The following CTR9 variants were observed in gnomAD, a reference collection of about 807,000 sequenced individuals.
CTR9 encodes the protein CTR9 component of Paf1/RNA polymerase II complex, also known as RNA polymerase-associated protein CTR9 homolog.
In CTR9, 41 loss-of-function variants were observed where a neutral mutation model predicts 152.1. That is an observed-to-expected ratio of 0.27 (90% CI 0.21 to 0.35). CTR9 has a LOEUF of 0.35. Ranked by LOEUF, CTR9 falls within the 10% of genes least tolerant of loss-of-function variation. The pLI is 1.00. For synonymous variants in CTR9, 476 were observed against 496.2 expected (o/e 0.96, Z 0.54); for missense variants, 917 against 1,424.4 (o/e 0.64, Z 5.73).
chr11:10,761,303 G>A lies in CTR9; in HGVS notation c.742-644G>A, dbSNP rs548676361. Among the ~76,000 whole-genome samples the A allele has an allele frequency of 1.9e-4, 29 of 152,254 alleles. No individual in the cohort carries two copies. The East Asian group carries it at 5.4e-3, about 28-fold the overall frequency. ...TTCATCCCCCGGGCCTGGGGAAGGGGGGAAGGGAACTTTCCTTCCTAAACT... is the reference window on the plus strand; with the variant it reads ...TTCATCCCCCGGGCCTGGGGAAGGGAGGAAGGGAACTTTCCTTCCTAAACT... On this transcript the variant is annotated intron_variant, in intron 6 of 24. Transcript: ENST00000361367.
At chr11:10,765,807 A>C (rs989907244) in intron 12 of CTR9, among the ~76,000 whole-genome samples, 1 of 152,218 alleles carries the variant, frequency 6.6e-6, no homozygotes, top group Non-Finnish European at 1.5e-5. Flanking sequence ...TTATGGATGC[A>C]AAAGTGATTT....
In CTR9 at chr11:10,764,637, T is replaced by C. The variant is rs1364791500; in HGVS notation, c.1503T>C (p.Tyr501=). ...ACGCCATTTCCGTTACCACGTCATA[T>C]AATCTCGCCAGGCTATATGAGGCGA... ...YYNAISVTTS[Y]NLARLYEAMC... Residue 501 remains tyrosine, a synonymous_variant, in exon 12 of 25, where the codon TAT becomes TAC. Transcript: ENST00000361367. The C allele has an allele frequency of 6.2e-7, 1 of 1,613,608 alleles. No individual in the cohort carries two copies. Among genetic ancestry groups the C allele is most frequent in the African/African-American group, 1.3e-5 (1 of 74,902 alleles).
At chr11:10,763,024 G>T (rs1863001317) in intron 7 of CTR9, among the ~76,000 whole-genome samples, 2 of 150,748 alleles carry the variant, frequency 1.3e-5, no homozygotes, top group African/African-American at 4.9e-5. Context: ...AAAAAAAAGT[G>T]CGCTTTATGT....
At position 10,771,688 on chromosome 11, in the gene CTR9, A is replaced by G. The variant is rs534759958; in HGVS notation, c.2444+72A>G. 7 of 1,062,170 alleles carry G rather than the reference A, an allele frequency of 6.6e-6. No homozygotes were observed. The East Asian group carries it at 1.7e-4, about 25-fold the overall frequency. 65.8% of individuals were successfully genotyped at this position (1,062,170 alleles called of 1,614,324 possible). ...TTTACATGGGCTGGGAAAGTGCCACAGTAGGGAACAGAGGTTCCTGACCTT... is the reference window on the plus strand; with the variant it reads ...TTTACATGGGCTGGGAAAGTGCCACGGTAGGGAACAGAGGTTCCTGACCTT... On this transcript the variant is annotated intron_variant, in intron 19 of 24. Transcript: ENST00000361367.
rs772656294 is a variant in CTR9, at chr11:10,763,691, G to A, written c.1006G>A (p.Ala336Thr). The A allele has an allele frequency of 1.2e-6, 2 of 1,613,874 alleles. No homozygotes were observed. The highest frequency in any genetic ancestry group is 8.5e-7 in the Non-Finnish European group (1 of 1,179,960). Reference sequence around the variant, plus strand: ...GTACTATTATCAAGCCACACAGTTTGCCTCATCCTCTTTTGTGCTCCCATT... The same window carrying A: ...GTACTATTATCAAGCCACACAGTTTACCTCATCCTCTTTTGTGCTCCCATT... The part of the protein sequence containing the change: ...FQYYYQATQF[A>T]SSSFVLPFFG... Residue 336 changes from alanine to threonine, a missense_variant, in exon 9 of 25, where the codon GCC becomes ACC. By Grantham distance (58) the Ala-to-Thr change is moderately conservative. Coordinates refer to ENST00000361367, the MANE Select transcript of CTR9 (RefSeq NM_014633.5).
chr11:10,767,720 CT>C lies in CTR9; in HGVS notation c.1687-84del. The C allele has an allele frequency of 3.4e-6, 4 of 1,169,974 alleles. No individual in the cohort carries two copies. In the South Asian group the frequency reaches 5.5e-5, roughly 16 times the overall value. The allele number at this position is 1,169,974 out of a possible 1,614,324, so 72.5% of individuals were successfully genotyped here. On this transcript the variant is annotated intron_variant, in intron 13 of 24. Coordinates refer to ENST00000361367, the MANE Select transcript of CTR9 (RefSeq NM_014633.5). The surrounding 1 kb of genome is among the most constrained non-coding windows in gnomAD (Gnocchi z 4.0). ...CTGTTGTAATATAGTTTGTAAACCT[CT>C]TCAGTAATCAGCTATTGTGGGAAGA...
chr11:10,773,833 C>T lies in CTR9; in HGVS notation c.2728-179C>T, dbSNP rs374993859. ...CCAAGAGGCAGAGGTTGCAGTGAGC[C>T]GAGATTGCCCCACTGCACTCTCGCC... On this transcript the variant is annotated intron_variant, in intron 21 of 24. Coordinates refer to ENST00000361367, the MANE Select transcript of CTR9 (RefSeq NM_014633.5). 7.5e-5 allele frequency among the ~76,000 whole-genome samples: 11 copies of T among 145,728 alleles called. 1 individual carries two copies. Among genetic ancestry groups the T allele is most frequent in the Middle Eastern group, 3.8e-3 (1 of 264 alleles).
At chr11:10,761,414 C>T (rs908947906) in intron 6 of CTR9, among the ~76,000 whole-genome samples, 11 of 151,788 alleles carry the variant, frequency 7.2e-5, no homozygotes, top group Admixed American at 1.3e-4. Flanking sequence ...CCACCAGTAT[C>T]AGTCACACGA....
At chr11:10,772,744 G>A in intron 20 of CTR9, 89 bp downstream of exon 20, 2 of 1,330,662 alleles carry the variant, frequency 1.5e-6, no homozygotes, top group Non-Finnish European at 2.0e-6. Context: ...CCTCTGCCAG[G>A]CGTGGTGGCT....
rs188558150 is a variant in CTR9, at chr11:10,758,299, G to T, written c.592+1461G>T. ...GACTAGAGTGGGGCTCAAGGGGAGG[G>T]GGTCAAGGACAGAAGTAGGGAGAGC... On this transcript the variant is annotated intron_variant, in intron 5 of 24. Transcript: ENST00000361367. Among the ~76,000 whole-genome samples the T allele has an allele frequency of 1.1e-3, 160 of 152,284 alleles. 1 individual carries two copies. The highest frequency in any genetic ancestry group is 1.9e-3 in the Non-Finnish European group (129 of 68,020).
At chr11:10,766,787 T>C (rs892954662) in intron 13 of CTR9, among the ~76,000 whole-genome samples, 3 of 152,218 alleles carry the variant, frequency 2.0e-5, no homozygotes, top group African/African-American at 7.2e-5. Context: ...TGTTTTTTAC[T>C]CTCACTAGTT....
chr11:10,773,657 G>A (rs1355243815), intron 21 of CTR9, among the ~76,000 whole-genome samples: 2 of 152,090 alleles, frequency 1.3e-5, no homozygotes, highest in Admixed American at 6.5e-5. Context: ...GGAGGCCGAG[G>A]TGGGCAGATC....
chr11:10,775,541 T>A lies in CTR9; in HGVS notation c.3003T>A (p.Pro1001=). 1 of 1,613,582 alleles carries A rather than the reference T, an allele frequency of 6.2e-7. No homozygotes were observed. The highest frequency in any genetic ancestry group is 8.5e-7 in the Non-Finnish European group (1 of 1,179,608). The change falls in exon 24 of 25, where the codon CCT becomes CCA. Residue 1001 remains proline, a synonymous_variant. Coordinates refer to ENST00000361367, the MANE Select transcript of CTR9 (RefSeq NM_014633.5). ...TTTAGCCCAAGCCAGAACGTCTGCC[T>A]CCATCAATGAAGGGAAAAATAAAAT... ...KKKAPKPERL[P]PSMKGKIKSK... is the part of the protein sequence containing the mutation.
intron 24 of CTR9, among the ~76,000 whole-genome samples, chr11:10,775,866 C>G (rs1275674238): frequency 6.6e-6 from 1 of 152,058 alleles, no homozygotes; most frequent in African/African-American, 2.4e-5. Context: ...GAAACTTGAC[C>G]CTGTCATTTT....
Position 10,755,773 on chromosome 11 carries a change from A to G in CTR9, c.480A>G (p.Pro160=), listed in dbSNP as rs200967365. The change falls in exon 4 of 25, where the codon CCA becomes CCG. Residue 160 remains proline (P), a synonymous_variant. Coordinates refer to ENST00000361367, the MANE Select transcript of CTR9 (RefSeq NM_014633.5). ...AQFHFVLNQS[P]NNIPALLGKA... ...TTCATTTTGTACTCAATCAGTCTCC[A>G]AATAATATTCCAGCCCTTCTTGGTA... 3.0e-5 allele frequency: 48 copies of G among 1,611,576 alleles called. No individual in the cohort carries two copies. Among genetic ancestry groups the G allele is most frequent in the Admixed American group, 2.0e-4 (12 of 59,840 alleles).
chr11:10,775,722 T>C (rs1445947813), intron 24 of CTR9, 89 bp downstream of exon 24: 6 of 754,844 alleles, frequency 7.9e-6, no homozygotes, highest in Non-Finnish European at 1.0e-5. Context: ...AAGAAAAATA[T>C]ACTTTTCTTT....
At position 10,764,400 on chromosome 11, in the gene CTR9, C is replaced by T. The variant is rs780158339; in HGVS notation, c.1377C>T (p.Ala459=). Residue 459 remains alanine, a synonymous_variant, in exon 11 of 25, where the codon GCC becomes GCT. Transcript: ENST00000361367. ...CAGAGATTCTCAATAATGTGGGTGCCCTCCATTTTAGACTTGGAAACCTAG... is the reference window on the plus strand; with the variant it reads ...CAGAGATTCTCAATAATGTGGGTGCTCTCCATTTTAGACTTGGAAACCTAG... ...VPPEILNNVG[A]LHFRLGNLGE... is the part of the protein sequence containing the mutation. 2.5e-6 allele frequency: 4 copies of T among 1,613,934 alleles called. No individual in the cohort carries two copies. The highest frequency in any genetic ancestry group is 3.4e-6 in the Non-Finnish European group (4 of 1,179,956).
intron 5 of CTR9, among the ~76,000 whole-genome samples, chr11:10,757,944 CA>C (rs1862912597): frequency 6.6e-6 from 1 of 152,136 alleles, no homozygotes; most frequent in Non-Finnish European, 1.5e-5. Context: ...AAACAACTAG[CA>C]GCCATGCAGA....
chr11:10,776,842 G>A (rs930455817), intron 24 of CTR9, among the ~76,000 whole-genome samples: 12 of 151,724 alleles, frequency 7.9e-5, no homozygotes, highest in African/African-American at 2.2e-4. Context: ...GCATGGTGGC[G>A]TGTGCCTGTA....
Sources: allele counts gnomAD v4.1 joint callset (sites outside exome capture counted in the v4.1 genomes callset), GRCh38; gene constraint gnomAD v4.1.1; non-coding constraint Gnocchi (gnomAD v3.1); transcripts MANE v1.5; gene names NCBI Gene and HGNC (gene_info 2026-07-23, HGNC 2026-07-21).